The following CADM2 variants were observed in gnomAD, a reference collection of about 807,000 sequenced individuals.
CADM2 encodes the protein cell adhesion molecule 2.
CADM2 carries 12 observed loss-of-function variants against 49.8 expected under a neutral mutation model. That is an observed-to-expected ratio of 0.24 (90% confidence interval 0.15 to 0.39). The LOEUF (loss-of-function observed/expected upper bound fraction) is 0.39, where lower values mean the gene tolerates loss of function less well. Among genes scored for constraint, CADM2 ranks in the 10% least tolerant of loss-of-function variants. The probability of loss-of-function intolerance (pLI) is 1.00; values close to 1 mark genes in which losing one functional copy is unlikely to be tolerated. For synonymous variants in CADM2, 214 were observed against 175.4 expected, an observed-to-expected ratio of 1.22 and a Z score of -1.74; for missense variants, 378 against 492.3, an observed-to-expected ratio of 0.77 and a Z score of 2.20.
chr3:85,884,743 T>A (rs1166209800), intron 4 of CADM2, among the ~76,000 whole-genome samples: 4 of 144,884 alleles, frequency 2.8e-5, no homozygotes, highest in Non-Finnish European at 6.0e-5. Context: ...TTTTTTTTTT[T>A]AAAACGGAGT....
At chr3:85,910,492 A>C (rs552477830) in intron 5 of CADM2, among the ~76,000 whole-genome samples, 1 of 152,256 alleles carries the variant, frequency 6.6e-6, no homozygotes, top group African/African-American at 2.4e-5. Context: ...TAGAGTCTTT[A>C]ATATTTTTAA....
At chr3:85,919,382 G>C (rs904303875) in intron 6 of CADM2, among the ~76,000 whole-genome samples, 9 of 151,924 alleles carry the variant, frequency 5.9e-5, no homozygotes, top group African/African-American at 2.2e-4. Context: ...AGGAAGGAAT[G>C]AATGGCTGAA....
At chr3:85,278,999 T>G in intron 1 of CADM2, among the ~76,000 whole-genome samples, 1 of 151,488 alleles carries the variant, frequency 6.6e-6, no homozygotes, top group Middle Eastern at 3.4e-3. Flanking sequence ...TTTAGAAAAT[T>G]GTATAGCTTA....
chr3:85,570,606 T>C (rs1463612255), intron 1 of CADM2, among the ~76,000 whole-genome samples: 1 of 152,138 alleles, frequency 6.6e-6, no homozygotes, highest in Non-Finnish European at 1.5e-5. Flanking sequence ...GTAGCGTTTT[T>C]AAAAACTGAT....
intron 1 of CADM2, among the ~76,000 whole-genome samples, chr3:85,475,288 A>G (rs1050972984): frequency 2.0e-5 from 3 of 151,998 alleles, no homozygotes; most frequent in Non-Finnish European, 4.4e-5. Flanking sequence ...AGGAAGATAC[A>G]GGTGTGTGCA....
intron 1 of CADM2, among the ~76,000 whole-genome samples, chr3:85,652,341 C>A (rs974007101): frequency 6.6e-6 from 1 of 152,122 alleles, no homozygotes; most frequent in African/African-American, 2.4e-5. Flanking sequence ...TACCCCAAAA[C>A]TCAATGACTT....
At chr3:85,177,312 G>A (rs559560512) in intron 1 of CADM2, among the ~76,000 whole-genome samples, 61 of 152,076 alleles carry the variant, frequency 4.0e-4, no homozygotes, top group Non-Finnish European at 7.5e-4. Context: ...GATATTTTGT[G>A]TTAGTATGTG....
chr3:85,258,945 G>A (rs560931015), intron 1 of CADM2, among the ~76,000 whole-genome samples: 4 of 152,218 alleles, frequency 2.6e-5, no homozygotes, highest in African/African-American at 7.2e-5. Flanking sequence ...GTGTGGAACT[G>A]CCTGCCCCTG....
intron 1 of CADM2, among the ~76,000 whole-genome samples, chr3:85,121,060 G>C (rs890986850): frequency 6.6e-6 from 1 of 152,186 alleles, no homozygotes; most frequent in Non-Finnish European, 1.5e-5. Flanking sequence ...GGAGGCACCT[G>C]TTGTTCTGCC....
At chr3:86,025,176 C>T (rs1448871519) in intron 8 of CADM2, among the ~76,000 whole-genome samples, 1 of 152,058 alleles carries the variant, frequency 6.6e-6, no homozygotes, top group African/African-American at 2.4e-5. Context: ...CTGCCTCAGC[C>T]TCCTGAGTAG....
intron 8 of CADM2, among the ~76,000 whole-genome samples, chr3:86,017,707 G>A (rs1379572621): frequency 4.0e-5 from 6 of 148,544 alleles, no homozygotes; most frequent in Non-Finnish European, 7.4e-5. Flanking sequence ...CAGCTTGGGC[G>A]ACACCAGGAG....
chr3:85,379,672 T>C (rs944906611), intron 1 of CADM2, among the ~76,000 whole-genome samples: 1 of 151,984 alleles, frequency 6.6e-6, no homozygotes, highest in Non-Finnish European at 1.5e-5. Flanking sequence ...CACAAATCAA[T>C]ATTGTACCCT....
At chr3:85,984,284 C>T (rs1448174266) in intron 8 of CADM2, among the ~76,000 whole-genome samples, 1 of 150,710 alleles carries the variant, frequency 6.6e-6, no homozygotes, top group East Asian at 1.9e-4. Context: ...TTCCAAGTGA[C>T]TTTGATATGA....
intron 1 of CADM2, among the ~76,000 whole-genome samples, chr3:85,261,588 A>T (rs1576232994): frequency 6.6e-6 from 1 of 152,062 alleles, no homozygotes; most frequent in Non-Finnish European, 1.5e-5. Flanking sequence ...TTCAGTGAGT[A>T]TCCTATTTTT....
intron 1 of CADM2, among the ~76,000 whole-genome samples, chr3:85,716,426 TG>T (rs2067295451): frequency 6.6e-6 from 1 of 152,208 alleles, no homozygotes; most frequent in Non-Finnish European, 1.5e-5. Context: ...ATGGATAGAT[TG>T]CAAAAATTTT....
chr3:85,379,403 A>G (rs1013378536), intron 1 of CADM2, among the ~76,000 whole-genome samples: 1 of 152,028 alleles, frequency 6.6e-6, no homozygotes, highest in Admixed American at 6.6e-5. Context: ...AATAAAGAAA[A>G]AGAACTTTGA....
chr3:86,053,753 C>A (rs982937262), intron 8 of CADM2, among the ~76,000 whole-genome samples: 24 of 151,890 alleles, frequency 1.6e-4, no homozygotes, highest in African/African-American at 5.6e-4. Context: ...ACTAAAAAAT[C>A]TAAATTTGTT....
intron 8 of CADM2, among the ~76,000 whole-genome samples, chr3:86,050,729 C>A (rs139906998): frequency 6.6e-6 from 1 of 152,092 alleles, no homozygotes; most frequent in East Asian, 1.9e-4. Context: ...AATCAGTGAC[C>A]CAAGTTATAG....
chr3:85,231,513 A>C (rs2042288315), intron 1 of CADM2, among the ~76,000 whole-genome samples: 1 of 152,078 alleles, frequency 6.6e-6, no homozygotes, highest in Admixed American at 6.6e-5. Flanking sequence ...ATGCCAGGAT[A>C]TCTAAGATAT....
Sources: gnomAD v4.1 joint callset for allele counts (sites outside exome capture counted in the v4.1 genomes callset) on GRCh38, gnomAD v4.1.1 for gene constraint, MANE v1.5 for transcripts, NCBI Gene and HGNC (gene_info 2026-07-23, HGNC 2026-07-21) for gene names.